C4BPB: variants seen among roughly 807,000 people sequenced by gnomAD.
C4BPB encodes the protein C4b-binding protein beta chain.
Under a neutral mutation model 26.6 loss-of-function variants are expected in C4BPB, and 19 were observed. The ratio of observed to expected loss-of-function variants is 0.71; its 90% CI spans 0.50 to 1.05. C4BPB has a LOEUF of 1.05. Ranked by LOEUF, C4BPB falls within the 50% of genes least tolerant of loss-of-function variation. C4BPB has a pLI of 0.00. For missense variants in C4BPB, 282 were observed against 302.9 expected, an observed-to-expected ratio of 0.93 and a Z score of 0.51; for synonymous variants, 118 against 103.5, an observed-to-expected ratio of 1.14 and a Z score of -0.85.
In C4BPB at chr1:207,098,249, G is replaced by A. The variant is rs1684338544; in HGVS notation, c.603G>A (p.Glu201=). ...CKLIQEAPKP[E]CEKALLAFQE... is the part of the protein sequence containing the mutation. Reference sequence around the variant, plus strand: ...TGATCCAGGAAGCTCCCAAACCAGAGTGTGAGAAGGCACTTGTAAGTAGGA... The same window carrying A: ...TGATCCAGGAAGCTCCCAAACCAGAATGTGAGAAGGCACTTGTAAGTAGGA... Residue 201 remains glutamate (E), a synonymous_variant, in exon 6 of 7, where the codon GAG becomes GAA. Transcript: ENST00000367078. The A allele has an allele frequency of 6.2e-7, 1 of 1,607,176 alleles. No individual in the cohort carries two copies. Among genetic ancestry groups the A allele is most frequent in the East Asian group, 2.2e-5 (1 of 44,842 alleles).
At chr1:207,089,617 T>G in intron 2 of C4BPB, 28 bp downstream of exon 2, 1 of 1,607,596 alleles carries the variant, frequency 6.2e-7, no homozygotes, top group Non-Finnish European at 8.5e-7. Flanking sequence ...CAACTCAGCT[T>G]ACAGGCATTT....
At chr1:207,097,544 A>AAAG (rs1278576050) in intron 5 of C4BPB, among the ~76,000 whole-genome samples, 1 of 139,406 alleles carries the variant, frequency 7.2e-6, no homozygotes, top group African/African-American at 3.3e-5. Context: ...TTTTTCTAAA[A>AAAG]AAAAAAAAAA....
At chr1:207,093,211 A>T (rs746843163) in intron 4 of C4BPB, among the ~76,000 whole-genome samples, 43 of 152,222 alleles carry the variant, frequency 2.8e-4, no homozygotes, top group Non-Finnish European at 4.4e-4. Context: ...ATGATCCTGG[A>T]TGGGCAGACT....
chr1:207,098,308 C>A, intron 6 of C4BPB, 44 bp downstream of exon 6: 1 of 1,173,008 alleles, frequency 8.5e-7, no homozygotes, highest in Non-Finnish European at 1.3e-6. Flanking sequence ...GCTGGATCTC[C>A]AGGGCCTGGC....
intron 4 of C4BPB, 169 bp from the exon 5 acceptor site, chr1:207,096,346 AATGAATG>A (rs1246627411): frequency 1.6e-6 from 1 of 608,832 alleles, no homozygotes; most frequent in Non-Finnish European, 2.9e-6. Flanking sequence ...AAGAGAAGGA[AATGAATG>A]AAGAACAGGT....
intron 4 of C4BPB, among the ~76,000 whole-genome samples, chr1:207,094,414 C>A (rs1425985014): frequency 6.6e-6 from 1 of 152,160 alleles, no homozygotes; most frequent in African/African-American, 2.4e-5. Flanking sequence ...AACTTGCATA[C>A]ATACTATTAT....
intron 2 of C4BPB, 111 bp downstream of exon 2, chr1:207,089,700 T>C: frequency 1.1e-6 from 1 of 884,826 alleles, no homozygotes; most frequent in Non-Finnish European, 1.8e-6. Flanking sequence ...ATATCTTTAT[T>C]CTTCTATTGA....
intron 6 of C4BPB, among the ~76,000 whole-genome samples, chr1:207,098,593 T>C (rs1259517140): frequency 6.6e-6 from 1 of 152,070 alleles, no homozygotes; most frequent in Non-Finnish European, 1.5e-5. Flanking sequence ...TTTCCACGGA[T>C]GGGGGTGGGG....
chr1:207,095,433 C>A lies in C4BPB; in HGVS notation c.410-1089C>A, dbSNP rs780156592. ...GCAACCTCCACCTCCCAGGTTCAAG[C>A]AGTTCTCATGCCTCAGCCTCCCAAG... On this transcript the variant is annotated intron_variant, in intron 4 of 6. Transcript: ENST00000367078. 6.2e-4 allele frequency: 281 copies of A among 456,146 alleles called. 1 individual carries two copies. Among genetic ancestry groups the A allele is most frequent in the Non-Finnish European group, 1.1e-3 (255 of 226,782 alleles). The allele number at this position is 456,146 out of a possible 1,614,324, so 28.3% of individuals were successfully genotyped here.
chr1:207,090,598 A>G lies in C4BPB; in HGVS notation c.232+117A>G, dbSNP rs146169906. 3.8e-3 allele frequency: 3,410 copies of G among 895,206 alleles called. 28 individuals are homozygous for G. The highest frequency in any genetic ancestry group is 0.012 in the Middle Eastern group (38 of 3,134). The allele number at this position is 895,206 out of a possible 1,614,324, so 55.5% of individuals were successfully genotyped here. On this transcript the variant is annotated intron_variant, in intron 3 of 6. Coordinates refer to ENST00000367078, the MANE Select transcript of C4BPB (RefSeq NM_001017365.3). ...AAGAAAACAAAAATTCTCAATTTCT[A>G]GGAGACCTCTTTTAAAGCACTCCAG...
At chr1:207,091,200 T>C (rs564035105) in intron 3 of C4BPB, among the ~76,000 whole-genome samples, 1 of 152,356 alleles carries the variant, frequency 6.6e-6, no homozygotes, top group Admixed American at 6.5e-5. Flanking sequence ...CAAACTCATA[T>C]ATCCCTGTGC....
Position 207,088,960 on chromosome 1 carries a change from A to T in C4BPB, c.-51+14A>T, listed in dbSNP as rs1200641250. The T allele has an allele frequency of 2.6e-5, 4 of 153,394 alleles. No individual in the cohort carries two copies. The highest frequency in any genetic ancestry group is 9.6e-5 in the African/African-American group (4 of 41,574). The allele number at this position is 153,394 out of a possible 1,614,324, so 9.5% of individuals were successfully genotyped here. On this transcript the variant is annotated intron_variant, in intron 1 of 6. Transcript: ENST00000367078. ...GGACAGAGACAGGTAAGGTTAGTTT[A>T]CTTCCTTGAGCTTTCGTCTTCAGTG...
At chr1:207,098,760 G>A (rs1289820064) in intron 6 of C4BPB, among the ~76,000 whole-genome samples, 2 of 152,172 alleles carry the variant, frequency 1.3e-5, no homozygotes, top group Non-Finnish European at 2.9e-5. Flanking sequence ...GCAACTAGAG[G>A]GTCCCATCTA....
intron 1 of C4BPB, 101 bp from the exon 2 acceptor site, chr1:207,089,381 T>G: frequency 1.6e-6 from 1 of 608,322 alleles, no homozygotes; most frequent in Non-Finnish European, 2.9e-6. Flanking sequence ...TTTCTTTTCA[T>G]TTTCTCCAGG....
At chr1:207,096,113 G>A in intron 4 of C4BPB, 1 of 229,744 alleles carries the variant, frequency 4.4e-6, no homozygotes, top group Non-Finnish European at 8.6e-6. Context: ...GGGGATGTCA[G>A]CTTCCACTTG....
intron 4 of C4BPB, among the ~76,000 whole-genome samples, chr1:207,092,891 C>G (rs547461771): frequency 6.6e-6 from 1 of 152,182 alleles, no homozygotes; most frequent in South Asian, 2.1e-4. Context: ...TCCTAAAGTG[C>G]TGGGATTACA....
In C4BPB at chr1:207,099,989, T is replaced by C; in HGVS notation, c.*60T>C. The C allele has an allele frequency of 6.6e-7, 1 of 1,510,032 alleles. No individual in the cohort carries two copies. Among genetic ancestry groups the C allele is most frequent in the Middle Eastern group, 1.9e-4 (1 of 5,348 alleles). The allele number at this position is 1,510,032 out of a possible 1,614,324, so 93.5% of individuals were successfully genotyped here. A position where few individuals can be genotyped will look rare whatever the true frequency, so the allele number is the denominator to read the frequency against. On this transcript the variant is annotated 3_prime_UTR_variant, in exon 7 of 7. Coordinates refer to ENST00000367078, the MANE Select transcript of C4BPB (RefSeq NM_001017365.3). Reference sequence around the variant, plus strand: ...TATGAATAAATTTTCTTCTTGGTTCTGAAATTGGTTTCAGATTTACCTCTT... The same window carrying C: ...TATGAATAAATTTTCTTCTTGGTTCCGAAATTGGTTTCAGATTTACCTCTT...
intron 5 of C4BPB, 133 bp from the exon 6 acceptor site, chr1:207,098,013 AGCAT>A: frequency 1.5e-6 from 1 of 683,226 alleles, no homozygotes; most frequent in Middle Eastern, 3.3e-4. Context: ...AGATAACTTA[AGCAT>A]GCATTGAGGC....
intron 4 of C4BPB, among the ~76,000 whole-genome samples, chr1:207,093,264 A>C (rs1360928072): frequency 3.3e-5 from 5 of 152,240 alleles, no homozygotes; most frequent in Non-Finnish European, 1.5e-5. Context: ...AAATTCAAAA[A>C]TATGAAAAAA....
Sources: gnomAD v4.1 joint callset for allele counts (sites outside exome capture counted in the v4.1 genomes callset) on GRCh38, gnomAD v4.1.1 for gene constraint, MANE v1.5 for transcripts, NCBI Gene and HGNC (gene_info 2026-07-23, HGNC 2026-07-21) for gene names.